Variants in RFT1 observed in about 807,000 individuals in gnomAD.
The protein encoded by RFT1 is man(5)GlcNAc(2)-PP-dolichol translocation protein RFT1.
A neutral mutation model predicts 62.2 loss-of-function variants in RFT1; 43 were observed. That is an observed-to-expected ratio of 0.69 (90% CI 0.54 to 0.89). RFT1 has a LOEUF of 0.89. RFT1 is among the 40% of genes least tolerant of loss of function. The probability of loss-of-function intolerance (pLI) is 0.00; values close to 1 mark genes in which losing one functional copy is unlikely to be tolerated. For synonymous variants in RFT1, 262 were observed against 264.6 expected, an observed-to-expected ratio of 0.99 and a Z score of 0.10; for missense variants, 605 against 649.9, an observed-to-expected ratio of 0.93 and a Z score of 0.75.
the RFT1 span, among the ~76,000 whole-genome samples, chr3:53,081,556 C>T: frequency 3.9e-5 from 6 of 152,006 alleles, no homozygotes; most frequent in Non-Finnish European, 7.4e-5. Flanking sequence ...TCCTGGACCA[C>T]GTAAGGTGGG....
chr3:53,123,514 T>C (rs1702025615), intron 3 of RFT1, among the ~76,000 whole-genome samples: 1 of 152,178 alleles, frequency 6.6e-6, no homozygotes, highest in Admixed American at 6.5e-5. Flanking sequence ...CAGAACCTCT[T>C]CCTGGCTCCT....
At chr3:53,115,163 C>A (rs1360905919) in intron 6 of RFT1, among the ~76,000 whole-genome samples, 1 of 152,214 alleles carries the variant, frequency 6.6e-6, no homozygotes, top group Admixed American at 6.5e-5. Context: ...TCTAGCCTAT[C>A]CTTCTCATTG....
At chr3:53,093,893 T>C (rs1214224836) in intron 11 of RFT1, among the ~76,000 whole-genome samples, 1 of 152,102 alleles carries the variant, frequency 6.6e-6, no homozygotes, top group African/African-American at 2.4e-5. Context: ...ATACACCTGT[T>C]GTCCCAGCGA....
At chr3:53,110,280 T>A (rs1701609114) in intron 7 of RFT1, among the ~76,000 whole-genome samples, 1 of 152,244 alleles carries the variant, frequency 6.6e-6, no homozygotes, top group Admixed American at 6.5e-5. Context: ...ATGTGAACTA[T>A]CATCATACAC....
intron 10 of RFT1, among the ~76,000 whole-genome samples, chr3:53,102,606 C>T (rs6798092): frequency 0.034 from 5,168 of 152,268 alleles, 321 homozygotes; most frequent in African/African-American, 0.12. Context: ...AGAACACTTA[C>T]AAAGACCCTA....
At chr3:53,110,420 C>T (rs1701612748) in intron 7 of RFT1, among the ~76,000 whole-genome samples, 1 of 152,222 alleles carries the variant, frequency 6.6e-6, no homozygotes, top group South Asian at 2.1e-4. Flanking sequence ...GCTAAGTGCT[C>T]AGGCCCTTCA....
intron 6 of RFT1, 139 bp downstream of exon 6, chr3:53,119,745 G>T: frequency 1.2e-6 from 1 of 831,264 alleles, no homozygotes; most frequent in Non-Finnish European, 1.9e-6. Flanking sequence ...CCCTGGCCTG[G>T]CATAGAGCAA....
chr3:53,070,328 T>C, the RFT1 span, among the ~76,000 whole-genome samples: 3 of 151,144 alleles, frequency 2.0e-5, no homozygotes, highest in Admixed American at 6.6e-5. Flanking sequence ...GGTGGGAGGA[T>C]TGCCTGAGCC....
chr3:53,070,393 G>GGTTTTTTTTTTTTTTTTT, the RFT1 span, among the ~76,000 whole-genome samples: 4 of 85,448 alleles, frequency 4.7e-5, 2 homozygotes, highest in African/African-American at 9.2e-5. Context: ...CTGTATTATG[G>GGTTTTTTTTTTTTTTTTT]TTTTTTTTTT....
At chr3:53,098,826 A>AG (rs1298655479) in intron 11 of RFT1, among the ~76,000 whole-genome samples, 6 of 148,860 alleles carry the variant, frequency 4.0e-5, no homozygotes, top group African/African-American at 7.5e-5. Flanking sequence ...AAAAAAAAAA[A>AG]GAACCACTGG....
chr3:53,098,502 A>G (rs1463401367), intron 11 of RFT1, among the ~76,000 whole-genome samples: 1 of 151,836 alleles, frequency 6.6e-6, no homozygotes, highest in East Asian at 1.9e-4. Flanking sequence ...TTACAGAGGC[A>G]GCATGAAAAC....
At chr3:53,103,244 C>A (rs1187122581) in intron 10 of RFT1, 1 of 985,238 alleles carries the variant, frequency 1.0e-6, no homozygotes, top group Non-Finnish European at 1.2e-6. Flanking sequence ...AGAAAGAAGT[C>A]CTCAGCGTTC....
At chr3:53,111,000 C>T (rs1051194315) in intron 7 of RFT1, among the ~76,000 whole-genome samples, 2 of 152,100 alleles carry the variant, frequency 1.3e-5, no homozygotes, top group Non-Finnish European at 2.9e-5. Flanking sequence ...GGACCAAAGT[C>T]TGACCAAACT....
chr3:53,070,477 T>TC, the RFT1 span, among the ~76,000 whole-genome samples: 1 of 140,698 alleles, frequency 7.1e-6, no homozygotes, highest in African/African-American at 2.6e-5. Context: ...TCTCAGCTTA[T>TC]CGCAACCTCC....
chr3:53,097,214 T>A (rs565020835), intron 11 of RFT1, among the ~76,000 whole-genome samples: 25 of 152,216 alleles, frequency 1.6e-4, no homozygotes, highest in Middle Eastern at 6.8e-3. Flanking sequence ...TTGCTAGAGT[T>A]TTTTGTCTGT....
intron 11 of RFT1, among the ~76,000 whole-genome samples, chr3:53,098,606 A>G (rs2564958): frequency 4.0e-5 from 6 of 151,690 alleles, no homozygotes; most frequent in Admixed American, 6.6e-5. Context: ...ATCGAGACCA[A>G]CCTGGCTGAC....
intron 6 of RFT1, among the ~76,000 whole-genome samples, chr3:53,118,789 T>C (rs1429453758): frequency 6.6e-6 from 1 of 151,838 alleles, no homozygotes; most frequent in Non-Finnish European, 1.5e-5. Context: ...AGCCAGAAAA[T>C]GAAAGTCCAA....
intron 2 of RFT1, among the ~76,000 whole-genome samples, chr3:53,125,435 A>G (rs1354165380): frequency 6.6e-6 from 1 of 152,184 alleles, no homozygotes; most frequent in Non-Finnish European, 1.5e-5. Context: ...GATGACAAAG[A>G]CTCAAGCTCG....
Position 53,091,905 on chromosome 3 carries a change from A to T in RFT1, c.1624T>A (p.Ter542ArgextTer16). The change falls in exon 13 of 13, where the codon TGA becomes AGA. Residue 542 changes from the stop codon to arginine (R), a stop_lost. Transcript: ENST00000296292. ...GVPRRTDKMT[*>R] ...CGGGTGTCCAGGCTTCCCTGAAGTC[A>T]TGTCATTTTGTCAGTGCGTCTGGGC... The T allele has an allele frequency of 6.2e-7, 1 of 1,614,136 alleles. No individual in the cohort carries two copies. Among genetic ancestry groups the T allele is most frequent in the Non-Finnish European group, 8.5e-7 (1 of 1,180,022 alleles).
Sources: gnomAD v4.1 joint callset for allele counts (sites outside exome capture counted in the v4.1 genomes callset) on GRCh38, gnomAD v4.1.1 for gene constraint, MANE v1.5 for transcripts, NCBI Gene and HGNC (gene_info 2026-07-23, HGNC 2026-07-21) for gene names.